Variants in SLCO1B3 observed in about 807,000 individuals in gnomAD.
SLCO1B3 encodes the protein solute carrier organic anion transporter family member 1B3, also known as liver-specific organic anion transporter 2.
In SLCO1B3, 72 loss-of-function variants were observed where a neutral mutation model predicts 71.8. The ratio of observed to expected loss-of-function variants is 1.00; its 90% CI spans 0.83 to 1.22. SLCO1B3 has a LOEUF of 1.22. SLCO1B3 is among the 50% of genes most tolerant of loss of function. The pLI, the probability that SLCO1B3 is intolerant of heterozygous loss-of-function variation, is 0.00. For synonymous variants in SLCO1B3, 298 were observed against 278.4 expected (o/e 1.07, Z -0.70); for missense variants, 911 against 819.7 (o/e 1.11, Z -1.36).
Position 20,881,005 on chromosome 12 carries a change from T to A in SLCO1B3, c.1482T>A (p.Gly494=). 1 of 1,608,666 alleles carries A rather than the reference T, an allele frequency of 6.2e-7. No individual in the cohort carries two copies. The highest frequency in any genetic ancestry group is 1.1e-5 in the South Asian group (1 of 90,206). Residue 494 remains glycine, a synonymous_variant, in exon 12 of 16, where the codon GGT becomes GGA. Transcript: ENST00000381545. ...PCLAGCKSSS[G]IKKHTVFYNC... is the part of the protein sequence containing the mutation. ...TAGCAGGATGCAAATCCTCAAGTGG[T>A]ATTAAAAAGCATACAGTGAGTATTA...
chr12:20,844,627 A>T lies in SLCO1B3; in HGVS notation c.85-10401A>T, dbSNP rs1192409807. Reference sequence around the variant, plus strand: ...TAACCCCCAAATCATTCAGGAGCAGATTGTTTATTTTCCATGTATTTGTGT... The same window carrying T: ...TAACCCCCAAATCATTCAGGAGCAGTTTGTTTATTTTCCATGTATTTGTGT... On this transcript the variant is annotated intron_variant, in intron 3 of 15. Transcript: ENST00000381545. 2.0e-5 allele frequency among the ~76,000 whole-genome samples: 3 copies of T among 152,154 alleles called. No individual in the cohort carries two copies. The East Asian group carries it at 5.8e-4, about 29-fold the overall frequency.
intron 3 of SLCO1B3, among the ~76,000 whole-genome samples, chr12:20,828,292 A>C (rs1425355672): frequency 1.1e-5 from 1 of 91,982 alleles, no homozygotes; most frequent in Non-Finnish European, 2.3e-5. Flanking sequence ...TGTTGTAAGA[A>C]CTATTTTAGT....
At chr12:20,815,114 T>G (rs1284997095) in intron 2 of SLCO1B3, among the ~76,000 whole-genome samples, 1 of 152,000 alleles carries the variant, frequency 6.6e-6, no homozygotes, top group East Asian at 1.9e-4. Context: ...TGAGAGATAC[T>G]TGGAATATAT....
At position 20,898,501 on chromosome 12, in the gene SLCO1B3, G is replaced by C; in HGVS notation, c.1747+1G>C. On this transcript the variant is annotated splice_donor_variant, in intron 14 of 15. Transcript: ENST00000381545. LOFTEE classifies it high-confidence loss of function. ...CAGTCAATGGTTATAAGAACACTAGGTATGACAAATATATAGATTATACAT... is the reference window on the plus strand; with the variant it reads ...CAGTCAATGGTTATAAGAACACTAGCTATGACAAATATATAGATTATACAT... 6.7e-7 allele frequency: 1 copy of C among 1,495,138 alleles called. No homozygotes were observed. The highest frequency in any genetic ancestry group is 9.3e-7 in the Non-Finnish European group (1 of 1,077,816). 92.6% of individuals were successfully genotyped at this position (1,495,138 alleles called of 1,614,324 possible).
At chr12:20,814,981 C>CTTTTTTTTT (rs71039997) in intron 2 of SLCO1B3, among the ~76,000 whole-genome samples, 3 of 89,290 alleles carry the variant, frequency 3.4e-5, no homozygotes, top group Non-Finnish European at 6.9e-5. Context: ...CTTTTCTTTT[C>CTTTTTTTTT]TTTTTTTTTT....
intron 14 of SLCO1B3, among the ~76,000 whole-genome samples, chr12:20,900,975 A>T (rs1031335579): frequency 6.6e-6 from 1 of 152,206 alleles, no homozygotes; most frequent in Non-Finnish European, 1.5e-5. Context: ...TAATCCAGCC[A>T]TTCTTGCCTA....
At chr12:20,813,236 G>C (rs1261463760) in intron 1 of SLCO1B3, among the ~76,000 whole-genome samples, 2 of 152,078 alleles carry the variant, frequency 1.3e-5, no homozygotes, top group Non-Finnish European at 2.9e-5. Flanking sequence ...TTATAATATA[G>C]AGAATCAATA....
intron 8 of SLCO1B3, among the ~76,000 whole-genome samples, chr12:20,873,975 A>G (rs1865528059): frequency 6.6e-6 from 1 of 152,158 alleles, no homozygotes; most frequent in African/African-American, 2.4e-5. Context: ...CATGGTGTAT[A>G]TGTACCACAT....
chr12:20,872,867 G>T (rs1235458754), intron 8 of SLCO1B3, among the ~76,000 whole-genome samples: 1 of 152,158 alleles, frequency 6.6e-6, no homozygotes, highest in African/African-American at 2.4e-5. Flanking sequence ...TGGCCTTATT[G>T]TAGGAGAAAA....
chr12:20,858,390 A>G, intron 4 of SLCO1B3, 49 bp from the exon 5 acceptor site: 1 of 1,361,234 alleles, frequency 7.3e-7, no homozygotes. Context: ...GTTCTACTAG[A>G]TACAAAATTA....
intron 15 of SLCO1B3, among the ~76,000 whole-genome samples, chr12:20,904,881 C>T (rs66805084): frequency 0.15 from 22,116 of 143,674 alleles, 1,751 homozygotes; most frequent in Middle Eastern, 0.32. Flanking sequence ...TCAATCAATT[C>T]TTGTGCCTCA....
chr12:20,818,253 GGT>G (rs1231073388), intron 3 of SLCO1B3, among the ~76,000 whole-genome samples: 1 of 152,110 alleles, frequency 6.6e-6, no homozygotes, highest in Non-Finnish European at 1.5e-5. Flanking sequence ...AGCTTGGTGA[GGT>G]GTGTTTTTAA....
intron 4 of SLCO1B3, among the ~76,000 whole-genome samples, 184 bp downstream of exon 4, chr12:20,855,353 C>A (rs1176029396): frequency 6.6e-6 from 1 of 152,022 alleles, no homozygotes; most frequent in Admixed American, 6.5e-5. Flanking sequence ...GCCACTGGTA[C>A]CTAGGGGTAG....
At chr12:20,812,910 AAT>A (rs1378139193) in intron 1 of SLCO1B3, among the ~76,000 whole-genome samples, 3 of 152,164 alleles carry the variant, frequency 2.0e-5, no homozygotes, top group Admixed American at 6.6e-5. Context: ...GTAAAAAATA[AAT>A]ATTTTCCAAC....
At position 20,822,176 on chromosome 12, in the gene SLCO1B3, G is replaced by A. The variant is rs545443589; in HGVS notation, c.84+6354G>A. Among the ~76,000 whole-genome samples, 323 of 152,266 alleles carry A rather than the reference G, an allele frequency of 2.1e-3. 1 individual carries two copies. Among genetic ancestry groups the A allele is most frequent in the African/African-American group, 7.5e-3 (313 of 41,550 alleles). The stretch of plus-strand genomic sequence containing the variant: ...AGGGAGGTCCCCCGATCCAAGTCAC[G>A]GCACCAAATTTCATGTGTGTCCATG... On this transcript the variant is annotated intron_variant, in intron 3 of 15. Transcript: ENST00000381545.
At chr12:20,840,080 G>T (rs1023652165) in intron 3 of SLCO1B3, among the ~76,000 whole-genome samples, 1 of 151,942 alleles carries the variant, frequency 6.6e-6, no homozygotes, top group Non-Finnish European at 1.5e-5. Context: ...TACTTTTATA[G>T]CCCTTAGCAT....
chr12:20,858,330 G>C (rs1865182976), intron 4 of SLCO1B3, 109 bp from the exon 5 acceptor site: 2 of 728,016 alleles, frequency 2.7e-6, no homozygotes, highest in Non-Finnish European at 4.5e-6. Context: ...CATGGTCTTT[G>C]AGGGAAGGTA....
intron 3 of SLCO1B3, among the ~76,000 whole-genome samples, chr12:20,831,323 C>A (rs1353407918): frequency 1.4e-5 from 2 of 138,432 alleles, no homozygotes; most frequent in Non-Finnish European, 3.0e-5. Flanking sequence ...CACCACTCCA[C>A]TCCAGGCTGG....
chr12:20,867,876 G>A (rs1293026306), intron 8 of SLCO1B3, among the ~76,000 whole-genome samples: 4 of 152,054 alleles, frequency 2.6e-5, no homozygotes, highest in South Asian at 4.1e-4. Context: ...GTGTGTACCT[G>A]CCTTTCCTGT....
Sources: allele counts gnomAD v4.1 joint callset (sites outside exome capture counted in the v4.1 genomes callset), GRCh38; gene constraint gnomAD v4.1.1; transcripts MANE v1.5; gene names NCBI Gene and HGNC (gene_info 2026-07-23, HGNC 2026-07-21).